CHEK1: variants seen among roughly 807,000 people sequenced by gnomAD.
The protein encoded by CHEK1 is checkpoint kinase 1, also known as serine/threonine-protein kinase Chk1.
Under a neutral mutation model 60.2 loss-of-function variants are expected in CHEK1, and 32 were observed. The ratio of observed to expected loss-of-function variants is 0.53; its 90% CI spans 0.40 to 0.71. CHEK1 has a LOEUF of 0.71. Among genes scored for constraint, CHEK1 ranks in the 30% least tolerant of loss-of-function variants. CHEK1 has a pLI of 0.00. For synonymous variants in CHEK1, 179 were observed against 187.2 expected (o/e 0.96, Z 0.36); for missense variants, 399 against 564.6 (o/e 0.71, Z 2.97).
chr11:125,654,254 T>C (rs1012523847), intron 12 of CHEK1, among the ~76,000 whole-genome samples: 1 of 152,032 alleles, frequency 6.6e-6, no homozygotes, highest in Non-Finnish European at 1.5e-5. Flanking sequence ...CATTTGAACC[T>C]GGGAGGCGGA....
At chr11:125,643,492 CAAAAAA>C (rs1167336479) in intron 8 of CHEK1, 1 of 192,540 alleles carries the variant, frequency 5.2e-6, no homozygotes, top group African/African-American at 2.5e-5. Context: ...GACTCCGTCT[CAAAAAA>C]AGAAAAAAAA....
At chr11:125,626,944 C>T in intron 2 of CHEK1, 111 bp downstream of exon 2, 1 of 1,179,152 alleles carries the variant, frequency 8.5e-7, no homozygotes, top group Admixed American at 2.2e-5. Context: ...GTTTTGGCAA[C>T]TGAAGTTACA....
intron 13 of CHEK1, among the ~76,000 whole-genome samples, chr11:125,673,126 C>T (rs1051701317): frequency 6.6e-6 from 1 of 152,074 alleles, no homozygotes; most frequent in South Asian, 2.1e-4. Flanking sequence ...GAGATCTACT[C>T]ATCAAATTCT....
chr11:125,672,519 A>G, intron 13 of CHEK1: 1 of 1,570,234 alleles, frequency 6.4e-7, no homozygotes. Context: ...GGAAGGAACT[A>G]AATATAAAAT....
downstream of CHEK1, among the ~76,000 whole-genome samples, chr11:125,679,265 T>C (rs1942687522): frequency 6.7e-6 from 1 of 149,410 alleles, no homozygotes; most frequent in South Asian, 2.2e-4. Context: ...TTGCCCAGGC[T>C]GGAGTACAGT....
downstream of CHEK1, among the ~76,000 whole-genome samples, chr11:125,677,302 G>C (rs964596894): frequency 2.6e-5 from 4 of 152,156 alleles, no homozygotes; most frequent in African/African-American, 9.7e-5. Flanking sequence ...ACTAGCAGTT[G>C]TCCTAGGAAC....
intron 13 of CHEK1, among the ~76,000 whole-genome samples, chr11:125,663,145 AC>A (rs1942047753): frequency 6.6e-6 from 1 of 151,608 alleles, no homozygotes; most frequent in Non-Finnish European, 1.5e-5. Context: ...AAAAAAAAAA[AC>A]AAATATGTCT....
intron 6 of CHEK1, among the ~76,000 whole-genome samples, chr11:125,634,071 C>A (rs112524320): frequency 0.077 from 11,307 of 146,408 alleles, 499 homozygotes; most frequent in African/African-American, 0.12. Context: ...GATCTCAGCT[C>A]ACTGCAACCT....
chr11:125,670,811 C>A (rs1942187238), intron 13 of CHEK1, among the ~76,000 whole-genome samples: 1 of 152,214 alleles, frequency 6.6e-6, no homozygotes, highest in East Asian at 1.9e-4. Context: ...TTAGTGGTGA[C>A]TTCTCTTCAG....
At chr11:125,677,872 A>C, downstream of CHEK1, 1 of 1,613,846 alleles carries the variant, frequency 6.2e-7, no homozygotes, top group Non-Finnish European at 8.5e-7. Context: ...TGTTCACCCG[A>C]GGCCTGCTCA....
downstream of CHEK1, among the ~76,000 whole-genome samples, chr11:125,660,461 A>G (rs1360646974): frequency 6.6e-6 from 1 of 152,100 alleles, no homozygotes; most frequent in Non-Finnish European, 1.5e-5. Context: ...CCTAGGCTCA[A>G]GCGATCTTCC....
intron 8 of CHEK1, among the ~76,000 whole-genome samples, chr11:125,642,009 T>A (rs1335035297): frequency 1.3e-5 from 2 of 152,144 alleles, no homozygotes; most frequent in Non-Finnish European, 2.9e-5. Flanking sequence ...TCAGTTCTGC[T>A]TTGCTCCCCC....
At position 125,653,613 on chromosome 11, in the gene CHEK1, A is replaced by G; in HGVS notation, c.1234-133A>G. 1 of 601,564 alleles carries G rather than the reference A, an allele frequency of 1.7e-6. No homozygotes were observed. Among genetic ancestry groups the G allele is most frequent in the Non-Finnish European group, 2.9e-6 (1 of 343,364 alleles). The allele number at this position is 601,564 out of a possible 1,614,324, so 37.3% of individuals were successfully genotyped here. On this transcript the variant is annotated intron_variant, in intron 11 of 12. Coordinates refer to ENST00000438015, the MANE Select transcript of CHEK1 (RefSeq NM_001114122.3). The surrounding 1 kb of genome is among the most constrained non-coding windows in gnomAD (Gnocchi z 4.3). Reference sequence around the variant, plus strand: ...ATAATTTCCTTTCCTTTGGATCAGTAGTGGGATTGCTGGAACATATAGGTA... The same window carrying G: ...ATAATTTCCTTTCCTTTGGATCAGTGGTGGGATTGCTGGAACATATAGGTA...
At chr11:125,629,524 A>G (rs1036005922) in intron 5 of CHEK1, 64 bp downstream of exon 5, 10 of 1,209,958 alleles carry the variant, frequency 8.3e-6, no homozygotes, top group Admixed American at 6.6e-5. Context: ...TATTTTAATT[A>G]CCTAATTATT....
chr11:125,661,702 A>G (rs1161872064), downstream of CHEK1, among the ~76,000 whole-genome samples: 2 of 151,676 alleles, frequency 1.3e-5, no homozygotes, highest in African/African-American at 2.4e-5. Flanking sequence ...TACTCTAGCT[A>G]TTACAATATG....
intron 8 of CHEK1, 121 bp downstream of exon 8, chr11:125,637,665 T>TA (rs1941128377): frequency 5.7e-6 from 3 of 530,614 alleles, no homozygotes; most frequent in Non-Finnish European, 6.4e-6. Flanking sequence ...GAGATTATAA[T>TA]GTCCAGTAGA....
At chr11:125,652,592 G>T (rs186581372) in intron 11 of CHEK1, among the ~76,000 whole-genome samples, 19 of 152,252 alleles carry the variant, frequency 1.2e-4, no homozygotes, top group Non-Finnish European at 2.6e-4. Flanking sequence ...GATAGATTGG[G>T]TTGGGGACAC....
chr11:125,666,310 C>T (rs1438258906), intron 13 of CHEK1, among the ~76,000 whole-genome samples: 1 of 151,788 alleles, frequency 6.6e-6, no homozygotes, highest in African/African-American at 2.4e-5. Context: ...TGTACAACTT[C>T]CAAAGTTCCT....
chr11:125,645,833 T>G (rs1190989787), intron 11 of CHEK1, among the ~76,000 whole-genome samples: 2 of 152,214 alleles, frequency 1.3e-5, no homozygotes, highest in African/African-American at 4.8e-5. Context: ...TATTATACTC[T>G]TTTTTCAGTT....
Sources: allele counts gnomAD v4.1 joint callset (sites outside exome capture counted in the v4.1 genomes callset), GRCh38; gene constraint gnomAD v4.1.1; non-coding constraint Gnocchi (gnomAD v3.1); transcripts MANE v1.5; gene names NCBI Gene and HGNC (gene_info 2026-07-23, HGNC 2026-07-21).